NT5C1B: variants seen among roughly 807,000 people sequenced by gnomAD.
NT5C1B encodes 5'-nucleotidase, cytosolic IB.
Under a neutral mutation model 57.8 loss-of-function variants are expected in NT5C1B, and 44 were observed. The observed-to-expected ratio is 0.76, with a 90% CI of 0.60 to 0.98. NT5C1B has a LOEUF of 0.98. Ranked by LOEUF, NT5C1B falls within the 50% of genes least tolerant of loss-of-function variation. NT5C1B has a pLI of 0.00. For missense variants in NT5C1B, 742 were observed against 719.5 expected (o/e 1.03, Z -0.36); for synonymous variants, 284 against 282.6 (o/e 1.00, Z -0.05).
In NT5C1B at chr2:18,580,869, A is replaced by T. The variant is rs1039729665; in HGVS notation, c.1021+1999T>A. ...AACCAGATACCACATGTTCTCACTT[A>T]TAAGTGGGAGCTAAACATTGAGTAC... On this transcript the variant is annotated intron_variant, in intron 6 of 8. Coordinates refer to ENST00000304081, the Ensembl canonical transcript of NT5C1B. Among the ~76,000 whole-genome samples the T allele has an allele frequency of 2.6e-5, 4 of 152,326 alleles. No homozygotes were observed. The East Asian group carries it at 7.7e-4, about 29-fold the overall frequency.
Position 18,584,614 on chromosome 2 carries a change from T to C in NT5C1B, c.623A>G (p.Gln208Arg). The C allele has an allele frequency of 6.2e-7, 1 of 1,612,982 alleles. No individual in the cohort carries two copies. The highest frequency in any genetic ancestry group is 8.5e-7 in the Non-Finnish European group (1 of 1,179,600). ...GTCCTCGTCCTCCCGCTGCTGCTGC[T>C]GCTGCTCGGACAGAGAGTTGCGGTC... Residue 208 changes from glutamine (Q) to arginine (R), a missense_variant, in exon 4 of 9, where the codon CAG (glutamine) becomes CGG (arginine). Transcript: ENST00000304081. The surrounding 1 kb of genome is among the most constrained non-coding windows in gnomAD (Gnocchi z 5.8).
At chr2:18,569,956 TA>T (rs1665001339) in intron 8 of NT5C1B, among the ~76,000 whole-genome samples, 1 of 152,140 alleles carries the variant, frequency 6.6e-6, no homozygotes, top group South Asian at 2.1e-4. Context: ...ATTCTTGGCA[TA>T]AAACATACCA....
chr2:18,583,982 G>T, intron 5 of NT5C1B, 106 bp downstream of exon 5: 1 of 1,595,022 alleles, frequency 6.3e-7, no homozygotes. Context: ...AATGACAAGG[G>T]TGGGCTAGGA....
Position 18,584,886 on chromosome 2 carries a change from G to T in NT5C1B, c.351C>A (p.Leu117=). 6.3e-7 allele frequency: 1 copy of T among 1,584,762 alleles called. No homozygotes were observed. Residue 117 remains leucine, a synonymous_variant, in exon 4 of 9, where the codon CTC becomes CTA. Transcript: ENST00000304081. The surrounding 1 kb of genome is among the most constrained non-coding windows in gnomAD (Gnocchi z 5.8). ...GCAGCTGGGGCGACGCGGGTGGCTG[G>T]AGCGAGGGCTGCCCGGACAGCGGCG...
chr2:18,583,203 C>T (rs1421529026), intron 5 of NT5C1B, among the ~76,000 whole-genome samples: 1 of 152,182 alleles, frequency 6.6e-6, no homozygotes, highest in Non-Finnish European at 1.5e-5. Context: ...GTTCACAATA[C>T]ATGAGTAATG....
chr2:18,587,342 A>G (rs1666813488), intron 2 of NT5C1B, 161 bp downstream of exon 2: 1 of 985,314 alleles, frequency 1.0e-6, no homozygotes, highest in Admixed American at 6.1e-5. Flanking sequence ...GCAGGGCCCA[A>G]CCTTTCCTAG....
chr2:18,563,644 AAGGTTTTCCAAAAAATC>A, exon 9 of NT5C1B: 1 of 804,192 alleles, frequency 1.2e-6, no homozygotes, highest in South Asian at 2.9e-5. Flanking sequence ...GAGGGTTCAA[AAGGTTTTCCAAAAAATC>A]AGGAGAAAAC....
intron 1 of NT5C1B, 145 bp from the exon 2 acceptor site, chr2:18,587,737 C>G: frequency 1.2e-6 from 1 of 800,314 alleles, no homozygotes; most frequent in South Asian, 2.4e-5. Context: ...TTAGTTTCCC[C>G]TGTTCTAACA....
At chr2:18,580,022 G>A (rs1008445470) in intron 6 of NT5C1B, among the ~76,000 whole-genome samples, 3 of 151,944 alleles carry the variant, frequency 2.0e-5, no homozygotes, top group South Asian at 4.2e-4. Flanking sequence ...GCCAACAAGC[G>A]TATGAAAAAA....
intron 7 of NT5C1B, 144 bp from the exon 8 acceptor site, chr2:18,576,512 C>G: frequency 1.6e-6 from 2 of 1,240,546 alleles, no homozygotes; most frequent in Non-Finnish European, 2.2e-6. Flanking sequence ...CAACCACAGA[C>G]CTCAGAACAG....
exon 8 of NT5C1B, chr2:18,576,230 T>A: frequency 6.2e-7 from 1 of 1,613,662 alleles, no homozygotes; most frequent in Non-Finnish European, 8.5e-7. Context: ...CTGGAAGAAT[T>A]TGTCGAGCCC....
chr2:18,587,189 G>C (rs767556736), intron 2 of NT5C1B: 1 of 1,607,606 alleles, frequency 6.2e-7, no homozygotes, highest in East Asian at 2.2e-5. Context: ...AGATTGTGCA[G>C]AAAGTGGTCA....
intron 6 of NT5C1B, among the ~76,000 whole-genome samples, chr2:18,578,545 G>T (rs1282687737): frequency 6.6e-6 from 1 of 151,860 alleles, no homozygotes; most frequent in Admixed American, 6.6e-5. Context: ...AGAACTAAAA[G>T]TAAAAACTAT....
chr2:18,569,512 C>T (rs1432171573), intron 8 of NT5C1B, among the ~76,000 whole-genome samples: 1 of 151,876 alleles, frequency 6.6e-6, no homozygotes, highest in East Asian at 1.9e-4. Flanking sequence ...TAAATATAAA[C>T]ACAATTTAAA....
chr2:18,573,394 C>A (rs1416010590), intron 8 of NT5C1B, among the ~76,000 whole-genome samples: 1 of 151,770 alleles, frequency 6.6e-6, no homozygotes, highest in Non-Finnish European at 1.5e-5. Flanking sequence ...TGAAATTATC[C>A]ACTTAAAATT....
chr2:18,586,311 G>A, exon 3 of NT5C1B: 8 of 1,614,104 alleles, frequency 5.0e-6, no homozygotes, highest in Non-Finnish European at 6.8e-6. Flanking sequence ...TGGTGGATGG[G>A]CTCCGGGATA....
At chr2:18,589,479 G>T (rs370091625) in exon 1 of NT5C1B, 2 of 1,613,774 alleles carry the variant, frequency 1.2e-6, no homozygotes, top group Non-Finnish European at 1.7e-6. Flanking sequence ...TTTTTTACCT[G>T]TTGAAATTCT....
In NT5C1B at chr2:18,584,424, G is replaced by A. The variant is rs1666480281; in HGVS notation, c.723+90C>T. On this transcript the variant is annotated intron_variant, in intron 4 of 8. Transcript: ENST00000304081. The surrounding 1 kb of genome is among the most constrained non-coding windows in gnomAD (Gnocchi z 5.8). ...CCCGAAGTTTGGGGAGGAGAAGCGG[G>A]AGGACCTCCCTGCGCAGTGGAGAGG... The A allele has an allele frequency of 1.3e-6, 2 of 1,531,352 alleles. No individual in the cohort carries two copies. Among genetic ancestry groups the A allele is most frequent in the Admixed American group, 2.0e-5 (1 of 49,170 alleles). The allele number at this position is 1,531,352 out of a possible 1,614,324, so 94.9% of individuals were successfully genotyped here.
At chr2:18,583,083 C>A in intron 5 of NT5C1B, 86 bp from the exon 6 acceptor site, 2 of 1,487,138 alleles carry the variant, frequency 1.3e-6, no homozygotes, top group Non-Finnish European at 1.8e-6. Flanking sequence ...TCATCAGAGT[C>A]AAATTCAAGC....
Sources: gnomAD v4.1 joint callset for allele counts (sites outside exome capture counted in the v4.1 genomes callset) on GRCh38, gnomAD v4.1.1 for gene constraint, Gnocchi (gnomAD v3.1) non-coding constraint, MANE v1.5 for transcripts, NCBI Gene and HGNC (gene_info 2026-07-23, HGNC 2026-07-21) for gene names.